DBF4: variants seen among roughly 807,000 people sequenced by gnomAD.
DBF4 encodes protein DBF4 homolog A.
A neutral mutation model predicts 76.6 loss-of-function variants in DBF4; 25 were observed. The observed-to-expected ratio is 0.33, with a 90% CI of 0.24 to 0.46. The LOEUF is 0.46. Among genes scored for constraint, DBF4 ranks in the 20% least tolerant of loss-of-function variants. The probability of loss-of-function intolerance (pLI) is 1.00; values close to 1 mark genes in which losing one functional copy is unlikely to be tolerated. For synonymous variants in DBF4, 213 were observed against 258.0 expected (o/e 0.83, Z 1.67); for missense variants, 638 against 760.8 (o/e 0.84, Z 1.90).
chr7:87,879,422 A>T (rs1452655430), intron 2 of DBF4, among the ~76,000 whole-genome samples: 1 of 152,230 alleles, frequency 6.6e-6, no homozygotes, highest in Non-Finnish European at 1.5e-5. Context: ...TAATGATCAT[A>T]TGACAGCATT....
chr7:87,891,744 T>G (rs898695773), intron 6 of DBF4, among the ~76,000 whole-genome samples: 5 of 152,206 alleles, frequency 3.3e-5, no homozygotes, highest in South Asian at 2.1e-4. Flanking sequence ...CATTGATTTT[T>G]TGTGTGTGTG....
chr7:87,893,334 T>C (rs994644202), intron 6 of DBF4, among the ~76,000 whole-genome samples: 1 of 150,234 alleles, frequency 6.7e-6, no homozygotes, highest in Non-Finnish European at 1.5e-5. Flanking sequence ...CAAGCTCCGC[T>C]TCCCGGGTTC....
At chr7:87,906,985 A>G (rs1839927450) in intron 11 of DBF4, among the ~76,000 whole-genome samples, 2 of 152,166 alleles carry the variant, frequency 1.3e-5, no homozygotes, top group South Asian at 2.1e-4. Context: ...GTTTTCAGCT[A>G]TATCTGAAAA....
Position 87,908,286 on chromosome 7 carries a change from TAAAAA to T in DBF4, c.*124_*128del. The T allele has an allele frequency of 9.8e-7, 1 of 1,024,942 alleles. No homozygotes were observed. Among genetic ancestry groups the T allele is most frequent in the Non-Finnish European group, 1.3e-6 (1 of 771,668 alleles). 63.5% of individuals were successfully genotyped at this position (1,024,942 alleles called of 1,614,324 possible). A position where few individuals can be genotyped will look rare whatever the true frequency, so the allele number is the denominator to read the frequency against. On this transcript the variant is annotated 3_prime_UTR_variant, in exon 12 of 12. Transcript: ENST00000265728. ...TGTTTACAGACCCAAATGTAAATAT[TAAAAA>T]TAAATATTTGCAATTTTCTACAGAA...
chr7:87,907,110 T>C, intron 11 of DBF4, 78 bp from the exon 12 acceptor site: 1 of 1,279,314 alleles, frequency 7.8e-7, no homozygotes, highest in Non-Finnish European at 1.0e-6. Flanking sequence ...ATGTTTTTAC[T>C]AATTTAATTT....
chr7:87,886,213 C>T (rs1839345206), intron 3 of DBF4, among the ~76,000 whole-genome samples: 2 of 152,014 alleles, frequency 1.3e-5, no homozygotes, highest in Admixed American at 6.6e-5. Flanking sequence ...GGCATTTCAA[C>T]GAGTTTTCCT....
intron 11 of DBF4, among the ~76,000 whole-genome samples, chr7:87,906,884 A>G (rs540417107): frequency 1.2e-4 from 18 of 152,288 alleles, no homozygotes; most frequent in Non-Finnish European, 2.4e-4. Flanking sequence ...TTTCATTTAC[A>G]TGATTAAAGT....
At chr7:87,903,811 C>T (rs1839849652) in intron 10 of DBF4, among the ~76,000 whole-genome samples, 1 of 150,892 alleles carries the variant, frequency 6.6e-6, no homozygotes, top group East Asian at 2.0e-4. Flanking sequence ...TCTTCTGCCT[C>T]AGCCTCCCAA....
intron 10 of DBF4, 131 bp downstream of exon 10, chr7:87,901,009 T>C (rs2131071803): frequency 2.7e-6 from 2 of 737,710 alleles, no homozygotes; most frequent in Middle Eastern, 2.4e-4. Context: ...GTATTGAAAA[T>C]GAATTTTTAT....
intron 3 of DBF4, among the ~76,000 whole-genome samples, chr7:87,885,758 TA>T (rs796128560): frequency 7.2e-5 from 11 of 152,332 alleles, no homozygotes; most frequent in African/African-American, 2.6e-4. Flanking sequence ...CAACAAAGCT[TA>T]AAATGTGTAC....
In DBF4 at chr7:87,894,923, A is replaced by G. The variant is rs183113879; in HGVS notation, c.598-1551A>G. Among the ~76,000 whole-genome samples, 4 of 152,252 alleles carry G rather than the reference A, an allele frequency of 2.6e-5. No homozygotes were observed. The East Asian group carries it at 7.7e-4, about 29-fold the overall frequency. ...GATTTGTGTAAATTTATGTTTGGAAAGTTTTCAGCTATTATTTTGTTAATT... is the reference window on the plus strand; with the variant it reads ...GATTTGTGTAAATTTATGTTTGGAAGGTTTTCAGCTATTATTTTGTTAATT... On this transcript the variant is annotated intron_variant, in intron 6 of 11. Transcript: ENST00000265728.
chr7:87,905,602 C>T (rs1410874720), intron 11 of DBF4, among the ~76,000 whole-genome samples: 1 of 152,096 alleles, frequency 6.6e-6, no homozygotes, highest in Non-Finnish European at 1.5e-5. Flanking sequence ...TTCCTATAAA[C>T]TTAAAGGGAT....
At chr7:87,902,786 T>G (rs772195293) in intron 10 of DBF4, among the ~76,000 whole-genome samples, 3 of 152,210 alleles carry the variant, frequency 2.0e-5, no homozygotes, top group Non-Finnish European at 4.4e-5. Flanking sequence ...AATTTGTATA[T>G]GGTAAAGTTT....
chr7:87,906,869 A>G (rs189836210), intron 11 of DBF4, among the ~76,000 whole-genome samples: 1 of 152,258 alleles, frequency 6.6e-6, no homozygotes, highest in African/African-American at 2.4e-5. Context: ...TTTACTATCA[A>G]TTTCTTTCAT....
chr7:87,886,951 G>A (rs1277831915), intron 4 of DBF4, 57 bp downstream of exon 4: 19 of 1,125,308 alleles, frequency 1.7e-5, no homozygotes, highest in Admixed American at 2.5e-5. Context: ...AACTCAACTG[G>A]AAATTACAGA....
Position 87,908,712 on chromosome 7 carries a change from G to A in DBF4, c.*549G>A, listed in dbSNP as rs6977687. On this transcript the variant is annotated 3_prime_UTR_variant, in exon 12 of 12. Transcript: ENST00000265728. ...GGGGTAACTGGAAGCCATGAAGGAA[G>A]GACTTAACCAGGCTACCAAGTGGAA... 0.28 allele frequency: 42,887 copies of A among 152,016 alleles called. 7,440 individuals carry two copies. Among genetic ancestry groups the A allele is most frequent in the African/African-American group, 0.48 (19,811 of 41,414 alleles). 9.4% of individuals were successfully genotyped at this position (152,016 alleles called of 1,614,324 possible).
At chr7:87,894,254 G>A (rs147185113) in intron 6 of DBF4, among the ~76,000 whole-genome samples, 4,134 of 152,232 alleles carry the variant, frequency 0.027, 57 homozygotes, top group Middle Eastern at 0.048. Flanking sequence ...TCAGAAGTTC[G>A]AGACCAGCCT....
chr7:87,878,115 A>G lies in DBF4; in HGVS notation c.109A>G (p.Arg37Gly). 1 of 1,612,472 alleles carries G rather than the reference A, an allele frequency of 6.2e-7. No homozygotes were observed. The highest frequency in any genetic ancestry group is 8.5e-7 in the Non-Finnish European group (1 of 1,179,662). The change falls in exon 2 of 12, where the codon AGG becomes GGG. Residue 37 changes from arginine to glycine, a missense_variant. Transcript: ENST00000265728. ...PSLKSLKTDN[R>G]PEKSKCKPLW... ...TCTGAAATCTCTGAAAACTGATAAC[A>G]GGCCAGAAAAATCCAAATGTAAGCC...
rs200736265 is a variant in DBF4 at position 87,896,460 on chromosome 7, A to G, written c.598-14A>G. ...CTTTCAAAGCCAATCTTTTCACTAT[A>G]TATTTTTTTTTAGGGCAAAAGAGTT... On this transcript the variant is annotated splice_polypyrimidine_tract_variant and intron_variant, in intron 6 of 11. Coordinates refer to ENST00000265728, the MANE Select transcript of DBF4 (RefSeq NM_006716.4). 3.1e-6 allele frequency: 5 copies of G among 1,608,142 alleles called. No individual in the cohort carries two copies. The South Asian group carries it at 5.5e-5, about 18-fold the overall frequency.
Sources: gnomAD v4.1 joint callset for allele counts (sites outside exome capture counted in the v4.1 genomes callset) on GRCh38, gnomAD v4.1.1 for gene constraint, MANE v1.5 for transcripts, NCBI Gene and HGNC (gene_info 2026-07-23, HGNC 2026-07-21) for gene names.